Variants in UPF2 observed in about 807,000 individuals in gnomAD.
UPF2 encodes regulator of nonsense transcripts 2.
Under a neutral mutation model 141.4 loss-of-function variants are expected in UPF2, and 17 were observed. That is an observed-to-expected ratio of 0.12 (90% CI 0.08 to 0.18). The LOEUF is 0.18. UPF2 is among the 10% of genes least tolerant of loss of function. UPF2 has a pLI of 1.00. For synonymous variants in UPF2, 540 were observed against 498.0 expected (o/e 1.08, Z -1.12); for missense variants, 1,152 against 1,515.9 (o/e 0.76, Z 3.99).
At chr10:11,930,631 C>A (rs1270448793) in intron 20 of UPF2, among the ~76,000 whole-genome samples, 1 of 152,066 alleles carries the variant, frequency 6.6e-6, no homozygotes, top group Non-Finnish European at 1.5e-5. Flanking sequence ...TAAAAATTAG[C>A]CAGGTATGGT....
chr10:11,984,083 C>T (rs1214540760), intron 8 of UPF2, among the ~76,000 whole-genome samples: 1 of 152,052 alleles, frequency 6.6e-6, no homozygotes. Flanking sequence ...ACCACCACAC[C>T]CAGCTAAGTG....
Position 11,939,769 on chromosome 10 carries a change from G to C in UPF2, c.3378+2896C>G, listed in dbSNP as rs1020056561. Among the ~76,000 whole-genome samples the C allele has an allele frequency of 6.6e-6, 1 of 151,872 alleles. No homozygotes were observed. The highest frequency in any genetic ancestry group is 2.1e-4 in the South Asian group (1 of 4,820). On this transcript the variant is annotated intron_variant, in intron 18 of 21. Coordinates refer to ENST00000357604, the MANE Select transcript of UPF2 (RefSeq NM_015542.4). This position sits in a 1 kb window ranked among gnomAD's most constrained non-coding sequence, Gnocchi z 4.8. ...TGACCTCAGGTGATCCACCCGCCTC[G>C]GCCTCCCAAAGTGCTGGGATTACAG...
intron 4 of UPF2, among the ~76,000 whole-genome samples, chr10:12,011,749 C>T (rs1457010471): frequency 2.0e-5 from 3 of 151,768 alleles, no homozygotes; most frequent in Non-Finnish European, 2.9e-5. Context: ...AGTTCGAGAC[C>T]AGCCTGACCA....
intron 21 of UPF2, among the ~76,000 whole-genome samples, chr10:11,924,160 A>G (rs1832681937): frequency 6.6e-6 from 1 of 152,234 alleles, no homozygotes; most frequent in Non-Finnish European, 1.5e-5. Flanking sequence ...ACTCATTGTA[A>G]GCAAATGCCT....
intron 10 of UPF2, among the ~76,000 whole-genome samples, chr10:11,965,634 T>C (rs1276172275): frequency 6.6e-6 from 1 of 152,046 alleles, no homozygotes; most frequent in Admixed American, 6.6e-5. Context: ...TAATTTTTTG[T>C]ATGTTTAGTA....
In UPF2 at chr10:12,034,524, G is replaced by A. The variant is rs188993323; in HGVS notation, c.365+535C>T. Among the ~76,000 whole-genome samples, 10 of 148,112 alleles carry A rather than the reference G, an allele frequency of 6.8e-5. No homozygotes were observed. In the East Asian group the frequency reaches 2.1e-3, roughly 31 times the overall value. ...AAAAAAAGTCTTTAAAAAATAAACAGCCAGGTGCGGTGGCTCACACCTGTA... is the reference window on the plus strand; with the variant it reads ...AAAAAAAGTCTTTAAAAAATAAACAACCAGGTGCGGTGGCTCACACCTGTA... On this transcript the variant is annotated intron_variant, in intron 2 of 21. Transcript: ENST00000357604.
intron 1 of UPF2, among the ~76,000 whole-genome samples, chr10:12,038,453 G>A (rs1319727996): frequency 6.7e-6 from 1 of 149,872 alleles, no homozygotes; most frequent in Non-Finnish European, 1.5e-5. Flanking sequence ...AGCAGGCTGG[G>A]CACCATGGCT....
At chr10:11,969,997 A>G (rs1833388927) in intron 9 of UPF2, among the ~76,000 whole-genome samples, 1 of 152,244 alleles carries the variant, frequency 6.6e-6, no homozygotes, top group South Asian at 2.1e-4. Context: ...TTGCTGAAAA[A>G]TAACTGAAAA....
In UPF2 at chr10:11,998,409, G is replaced by A. The variant is rs11257469; in HGVS notation, c.1759-652C>T. Among the ~76,000 whole-genome samples, 25,225 of 151,980 alleles carry A rather than the reference G, an allele frequency of 0.17. 2,372 individuals are homozygous for A. The highest frequency in any genetic ancestry group is 0.27 in the South Asian group (1,300 of 4,808). ...TGGACAGACTTTTTTCTGAGACAAG[G>A]TCTCACTCTGTCACCCAGGCTGGGG... On this transcript the variant is annotated intron_variant, in intron 7 of 21. Coordinates refer to ENST00000357604, the MANE Select transcript of UPF2 (RefSeq NM_015542.4). This position sits in a 1 kb window ranked among gnomAD's most constrained non-coding sequence, Gnocchi z 4.5.
rs1215529268 is a variant in UPF2, at chr10:12,013,277, AT to A, written c.1306+746del. 9.4e-3 allele frequency among the ~76,000 whole-genome samples: 1,295 copies of A among 137,666 alleles called. 14 individuals are homozygous for A. The highest frequency in any genetic ancestry group is 0.073 in the East Asian group (347 of 4,754). The allele number at this position is 137,666 out of a possible 152,430, so 90.3% of individuals were successfully genotyped here. A position where few individuals can be genotyped will look rare whatever the true frequency, so the allele number is the denominator to read the frequency against. On this transcript the variant is annotated intron_variant, in intron 4 of 21. Coordinates refer to ENST00000357604, the MANE Select transcript of UPF2 (RefSeq NM_015542.4). The stretch of plus-strand genomic sequence containing the variant: ...ATTTTACAAATACTTCACCCCTAAA[AT>A]TTTTTTTTTTTTTTTTGAGACAGGG...
chr10:12,005,718 G>A (rs988914445), intron 4 of UPF2, among the ~76,000 whole-genome samples: 5 of 151,944 alleles, frequency 3.3e-5, no homozygotes, highest in South Asian at 2.1e-4. Flanking sequence ...ACAGGCGCCC[G>A]CCACCACACT....
chr10:12,002,364 C>T (rs1833967636), intron 5 of UPF2, among the ~76,000 whole-genome samples: 1 of 152,064 alleles, frequency 6.6e-6, no homozygotes, highest in Admixed American at 6.6e-5. Flanking sequence ...GGATGGATGA[C>T]TGGATGGAGA....
In UPF2 at chr10:11,921,188, C is replaced by T. The variant is rs1397919491; in HGVS notation, c.*110G>A. The T allele has an allele frequency of 1.9e-5, 28 of 1,497,206 alleles. No individual in the cohort carries two copies. The South Asian group carries it at 2.0e-4, about 11-fold the overall frequency. 92.7% of individuals were successfully genotyped at this position (1,497,206 alleles called of 1,614,324 possible). On this transcript the variant is annotated 3_prime_UTR_variant, in exon 22 of 22. Coordinates refer to ENST00000357604, the MANE Select transcript of UPF2 (RefSeq NM_015542.4). This position sits in a 1 kb window ranked among gnomAD's most constrained non-coding sequence, Gnocchi z 5.9. ...CTGTCCCAGGTTTAGATTCGCAACT[C>T]TCTAGACCGACCTGCTGAGATGTGT... is the stretch of plus-strand genomic sequence containing the variant.
rs1308636568 is a variant in UPF2 at position 12,014,704 on chromosome 10, C to G, written c.1146-520G>C. 1.3e-5 allele frequency among the ~76,000 whole-genome samples: 2 copies of G among 152,126 alleles called. No individual in the cohort carries two copies. Among genetic ancestry groups the G allele is most frequent in the Non-Finnish European group, 2.9e-5 (2 of 68,026 alleles). On this transcript the variant is annotated intron_variant, in intron 3 of 21. Transcript: ENST00000357604. The surrounding 1 kb of genome is among the most constrained non-coding windows in gnomAD (Gnocchi z 5.0). Reference sequence around the variant, plus strand: ...CAGAACTAACCAAAAATATTTAACACAACTACACAACTCAGTTTTCAAAAC... The same window carrying G: ...CAGAACTAACCAAAAATATTTAACAGAACTACACAACTCAGTTTTCAAAAC...
chr10:11,988,244 C>G (rs927040162), intron 8 of UPF2, among the ~76,000 whole-genome samples: 74 of 152,196 alleles, frequency 4.9e-4, no homozygotes, highest in African/African-American at 1.7e-3. Flanking sequence ...CCAAAAGATA[C>G]CAAATTACTT....
At chr10:12,000,101 C>G in intron 6 of UPF2, 92 bp from the exon 7 acceptor site, 3 of 1,092,054 alleles carry the variant, frequency 2.7e-6, no homozygotes, top group Admixed American at 2.6e-5. Flanking sequence ...AATAGATAAT[C>G]TAGACCAATT....
intron 1 of UPF2, among the ~76,000 whole-genome samples, chr10:12,037,133 G>A (rs943191733): frequency 1.3e-5 from 2 of 152,272 alleles, no homozygotes; most frequent in East Asian, 3.9e-4. Context: ...CGCCCAGGCT[G>A]GAGTGCAGTG....
At position 11,936,614 on chromosome 10, in the gene UPF2, C is replaced by T. The variant is rs772816780; in HGVS notation, c.3477G>A (p.Gly1159=). The change falls in exon 19 of 22, where the codon GGG becomes GGA. Residue 1159 remains glycine, a synonymous_variant. Coordinates refer to ENST00000357604, the MANE Select transcript of UPF2 (RefSeq NM_015542.4). The surrounding 1 kb of genome is among the most constrained non-coding windows in gnomAD (Gnocchi z 6.6). ...QLRKGPPLGG[G]EGEAESADTM... is the part of the protein sequence containing the mutation. ...TGTCTGCAGACTCAGCCTCTCCTTC[C>T]CCACCTCCCAGTGGGGGCCCTTTCC... 1.9e-6 allele frequency: 3 copies of T among 1,613,350 alleles called. No homozygotes were observed. The Admixed American group carries it at 5.0e-5, about 27-fold the overall frequency.
At chr10:11,968,794 C>T (rs1477328372) in intron 9 of UPF2, among the ~76,000 whole-genome samples, 1 of 152,164 alleles carries the variant, frequency 6.6e-6, no homozygotes, top group African/African-American at 2.4e-5. Context: ...GAAAACCAAA[C>T]CTACAGTCTA....
Sources: gnomAD v4.1 joint callset for allele counts (sites outside exome capture counted in the v4.1 genomes callset) on GRCh38, gnomAD v4.1.1 for gene constraint, Gnocchi (gnomAD v3.1) non-coding constraint, MANE v1.5 for transcripts, NCBI Gene and HGNC (gene_info 2026-07-23, HGNC 2026-07-21) for gene names.